KCNN3: variants seen among roughly 807,000 people sequenced by gnomAD.
KCNN3 encodes potassium calcium-activated channel subfamily N member 3, also known as small conductance calcium-activated potassium channel protein 3.
Under a neutral mutation model 62.9 loss-of-function variants are expected in KCNN3, and 16 were observed. The ratio of observed to expected loss-of-function variants is 0.25; its 90% CI spans 0.17 to 0.39. KCNN3 has a LOEUF of 0.39. Ranked by LOEUF, KCNN3 falls within the 10% of genes least tolerant of loss-of-function variation. The pLI is 1.00. For synonymous variants in KCNN3, 370 were observed against 389.2 expected, an observed-to-expected ratio of 0.95 and a Z score of 0.58; for missense variants, 599 against 949.4, an observed-to-expected ratio of 0.63 and a Z score of 4.85.
intron 2 of KCNN3, among the ~76,000 whole-genome samples, chr1:154,791,228 C>CA (rs534142359): frequency 0.14 from 8,395 of 59,124 alleles, 445 homozygotes; most frequent in Non-Finnish European, 0.18. Flanking sequence ...GACTCCATCT[C>CA]AAAAAAAAAA....
At chr1:154,834,909 C>T (rs1571322291) in intron 1 of KCNN3, among the ~76,000 whole-genome samples, 1 of 152,170 alleles carries the variant, frequency 6.6e-6, no homozygotes, top group South Asian at 2.1e-4. Flanking sequence ...GAGGAGGTCG[C>T]TTGTTCCTGC....
chr1:154,728,589 T>G (rs1700522613), intron 4 of KCNN3, among the ~76,000 whole-genome samples: 2 of 141,560 alleles, frequency 1.4e-5, no homozygotes, highest in Admixed American at 7.1e-5. Context: ...GGCGGGAAAA[T>G]GAAGAAGGGA....
intron 2 of KCNN3, among the ~76,000 whole-genome samples, chr1:154,778,142 T>C (rs1375563663): frequency 6.6e-6 from 1 of 152,216 alleles, no homozygotes; most frequent in Non-Finnish European, 1.5e-5. Flanking sequence ...ACCACTTAAC[T>C]GGTGGTTCTG....
chr1:154,839,316 T>C (rs1476781954), intron 1 of KCNN3, among the ~76,000 whole-genome samples: 4 of 152,154 alleles, frequency 2.6e-5, no homozygotes, highest in Non-Finnish European at 4.4e-5. Flanking sequence ...GGGGAACAGA[T>C]CCCATAGCCC....
intron 2 of KCNN3, among the ~76,000 whole-genome samples, chr1:154,818,484 A>T (rs753941310): frequency 1.3e-5 from 2 of 152,182 alleles, no homozygotes; most frequent in Non-Finnish European, 2.9e-5. Flanking sequence ...CAAAATTCAG[A>T]TGTTGCCAAT....
rs187501196 is a variant in KCNN3 at position 154,722,786 on chromosome 1, C to T, written c.1701+3130G>A. 3.4e-3 allele frequency among the ~76,000 whole-genome samples: 504 copies of T among 150,126 alleles called. 3 individuals carry two copies. Among genetic ancestry groups the T allele is most frequent in the African/African-American group, 0.011 (437 of 40,666 alleles). On this transcript the variant is annotated intron_variant, in intron 5 of 7. Coordinates refer to ENST00000271915, the MANE Select transcript of KCNN3 (RefSeq NM_002249.6). Reference sequence around the variant, plus strand: ...TTGCTCTGTTGCCCAGGCTGGAGTGCAGTGGTGGGATCTCGGCTCACTGTA... The same window carrying T: ...TTGCTCTGTTGCCCAGGCTGGAGTGTAGTGGTGGGATCTCGGCTCACTGTA...
At chr1:154,803,165 G>A (rs965081241) in intron 2 of KCNN3, among the ~76,000 whole-genome samples, 12 of 152,274 alleles carry the variant, frequency 7.9e-5, no homozygotes, top group Admixed American at 4.6e-4. Context: ...AGACACCAAT[G>A]AGCCTGAGGG....
In KCNN3 at chr1:154,801,814, G is replaced by C. The variant is rs112367004; in HGVS notation, c.1029+20275C>G. ...CACCCCCGGAGGATGCACAACCCCG[G>C]AGTGAAAGACTCGGCCTCCGGGGCT... On this transcript the variant is annotated intron_variant, in intron 2 of 7. Transcript: ENST00000271915. 4.1e-4 allele frequency among the ~76,000 whole-genome samples: 63 copies of C among 152,286 alleles called. 1 individual carries two copies. The highest frequency in any genetic ancestry group is 1.5e-3 in the African/African-American group (61 of 41,542).
At chr1:154,786,555 G>A (rs1393046128) in intron 2 of KCNN3, among the ~76,000 whole-genome samples, 1 of 152,118 alleles carries the variant, frequency 6.6e-6, no homozygotes, top group Admixed American at 6.5e-5. Flanking sequence ...AGCATAATGG[G>A]TATAGTGTGA....
chr1:154,838,775 T>G (rs568165101), intron 1 of KCNN3, among the ~76,000 whole-genome samples: 1 of 152,314 alleles, frequency 6.6e-6, no homozygotes, highest in South Asian at 2.1e-4. Context: ...GGCTGTGAGC[T>G]CTTTGAGTGT....
intron 1 of KCNN3, among the ~76,000 whole-genome samples, chr1:154,846,811 C>T (rs957153362): frequency 6.6e-6 from 1 of 152,198 alleles, no homozygotes; most frequent in Non-Finnish European, 1.5e-5. Flanking sequence ...ATTTACTGTG[C>T]TTACTAGAGG....
At chr1:154,775,306 A>G (rs1648742095) in intron 2 of KCNN3, among the ~76,000 whole-genome samples, 1 of 152,082 alleles carries the variant, frequency 6.6e-6, no homozygotes, top group Non-Finnish European at 1.5e-5. Context: ...TCTACCTGTG[A>G]TATGTTTCTG....
At chr1:154,824,877 C>T (rs879721611) in intron 1 of KCNN3, among the ~76,000 whole-genome samples, 12 of 152,158 alleles carry the variant, frequency 7.9e-5, no homozygotes, top group Admixed American at 5.2e-4. Context: ...CCAGTACAAC[C>T]TCCCTGGCCA....
chr1:154,834,031 C>T (rs1292482443), intron 1 of KCNN3, among the ~76,000 whole-genome samples: 1 of 152,338 alleles, frequency 6.6e-6, no homozygotes, highest in Non-Finnish European at 1.5e-5. Context: ...AGTTTCCTAA[C>T]ATTTGGCACA....
intron 3 of KCNN3, among the ~76,000 whole-genome samples, chr1:154,735,088 G>A (rs2101795315): frequency 6.6e-6 from 1 of 152,296 alleles, no homozygotes; most frequent in African/African-American, 2.4e-5. Context: ...GAGATTCTGG[G>A]TTCTTGAGCA....
At chr1:154,728,251 A>C (rs75895890) in intron 4 of KCNN3, among the ~76,000 whole-genome samples, 1,601 of 152,314 alleles carry the variant, frequency 0.011, 29 homozygotes, top group African/African-American at 0.036. Flanking sequence ...CATGATGAAG[A>C]TAAATTTCTC....
chr1:154,783,576 G>A (rs1159416904), intron 2 of KCNN3, among the ~76,000 whole-genome samples: 1 of 152,234 alleles, frequency 6.6e-6, no homozygotes, highest in East Asian at 1.9e-4. Context: ...GTTTGCTAAT[G>A]AAGAAGATTC....
chr1:154,813,816 A>G (rs1473750786), intron 2 of KCNN3, among the ~76,000 whole-genome samples: 2 of 152,174 alleles, frequency 1.3e-5, no homozygotes, highest in Non-Finnish European at 2.9e-5. Flanking sequence ...CACCACGAGC[A>G]CACCCACCCC....
chr1:154,869,972 C>T lies in KCNN3; in HGVS notation c.-8G>A. The stretch of plus-strand genomic sequence containing the variant: ...GTGCCCAGAAGTGTCCATCTTGGGG[C>T]CTGGCTGTATTCCCTGCAGCACAAG... On this transcript the variant is annotated 5_prime_UTR_variant, in exon 1 of 8. Transcript: ENST00000271915. The surrounding 1 kb of genome is among the most constrained non-coding windows in gnomAD (Gnocchi z 6.1). 1.2e-6 allele frequency: 2 copies of T among 1,610,076 alleles called. No homozygotes were observed. The highest frequency in any genetic ancestry group is 2.2e-5 in the South Asian group (2 of 90,222).
Sources: gnomAD v4.1 joint callset for allele counts (sites outside exome capture counted in the v4.1 genomes callset) on GRCh38, gnomAD v4.1.1 for gene constraint, Gnocchi (gnomAD v3.1) non-coding constraint, MANE v1.5 for transcripts, NCBI Gene and HGNC (gene_info 2026-07-23, HGNC 2026-07-21) for gene names.